Variants in SPOCK1 observed in about 807,000 individuals in gnomAD.
SPOCK1 encodes SPARC (osteonectin), cwcv and kazal like domains proteoglycan 1, also known as testican-1.
Under a neutral mutation model 55.3 loss-of-function variants are expected in SPOCK1, and 23 were observed. The observed-to-expected ratio is 0.42, with a 90% confidence interval of 0.30 to 0.59. The LOEUF is 0.59. SPOCK1 is among the 20% of genes least tolerant of loss of function. The probability of loss-of-function intolerance (pLI) is 0.22; values close to 1 mark genes in which losing one functional copy is unlikely to be tolerated. For synonymous variants in SPOCK1, 226 were observed against 221.0 expected, an observed-to-expected ratio of 1.02 and a Z score of -0.20; for missense variants, 499 against 552.5, an observed-to-expected ratio of 0.90 and a Z score of 0.97.
At chr5:137,301,244 C>A (rs927599653) in intron 2 of SPOCK1, among the ~76,000 whole-genome samples, 1 of 152,222 alleles carries the variant, frequency 6.6e-6, no homozygotes, top group Non-Finnish European at 1.5e-5. Context: ...CCTGCAGGAT[C>A]TTCTCCTCCA....
chr5:137,493,694 T>C (rs770807281), intron 2 of SPOCK1, among the ~76,000 whole-genome samples: 1 of 152,232 alleles, frequency 6.6e-6, no homozygotes, highest in African/African-American at 2.4e-5. Context: ...CACAAACTCA[T>C]TTAAGTCTCC....
At position 137,109,498 on chromosome 5, in the gene SPOCK1, C is replaced by G. The variant is rs532000812; in HGVS notation, c.474+2937G>C. On this transcript the variant is annotated intron_variant, in intron 5 of 10. Coordinates refer to ENST00000394945, the MANE Select transcript of SPOCK1 (RefSeq NM_004598.4). ...CAGCCACTATCTACTACACCCCATG[C>G]CTGAGCAGCCACTATAAACGGTCTC... 1.4e-4 allele frequency among the ~76,000 whole-genome samples: 22 copies of G among 152,258 alleles called. 1 individual carries two copies. The highest frequency in any genetic ancestry group is 1.4e-3 in the Admixed American group (21 of 15,298).
chr5:137,116,258 T>A (rs866007574), intron 4 of SPOCK1, among the ~76,000 whole-genome samples: 29 of 152,318 alleles, frequency 1.9e-4, no homozygotes, highest in African/African-American at 5.3e-4. Flanking sequence ...CATCTTTTTT[T>A]AAAAAGTATA....
chr5:137,304,716 A>G (rs752589714), intron 2 of SPOCK1, among the ~76,000 whole-genome samples: 10 of 152,158 alleles, frequency 6.6e-5, no homozygotes, highest in Admixed American at 1.3e-4. Context: ...TGGCCCATGT[A>G]CCATGTGAAT....
At position 137,075,738 on chromosome 5, in the gene SPOCK1, G is replaced by A. The variant is rs377284290; in HGVS notation, c.475-7909C>T. Among the ~76,000 whole-genome samples the A allele has an allele frequency of 7.2e-5, 11 of 152,176 alleles. No individual in the cohort carries two copies. The East Asian group carries it at 7.8e-4, about 11-fold the overall frequency. Reference sequence around the variant, plus strand: ...CCAGGCAATGCAACCAAGAGTGGCCGGCACCGTGGAGAGGAGTGCAGCCCT... The same window carrying A: ...CCAGGCAATGCAACCAAGAGTGGCCAGCACCGTGGAGAGGAGTGCAGCCCT... On this transcript the variant is annotated intron_variant, in intron 5 of 10. Coordinates refer to ENST00000394945, the MANE Select transcript of SPOCK1 (RefSeq NM_004598.4).
intron 2 of SPOCK1, among the ~76,000 whole-genome samples, chr5:137,468,850 C>T (rs2149839101): frequency 6.6e-6 from 1 of 152,090 alleles, no homozygotes; most frequent in East Asian, 1.9e-4. Flanking sequence ...TGAGATAAAA[C>T]TGAGAAAGAA....
intron 2 of SPOCK1, among the ~76,000 whole-genome samples, chr5:137,415,610 C>T (rs773666219): frequency 2.2e-4 from 33 of 152,154 alleles, no homozygotes; most frequent in Non-Finnish European, 2.4e-4. Context: ...ATTCCAGAAG[C>T]GTGATTCCAA....
At chr5:137,399,363 TTTGTTGTTGTTGTTGTTGTTG>T (rs140515377) in intron 2 of SPOCK1, among the ~76,000 whole-genome samples, 1 of 150,826 alleles carries the variant, frequency 6.6e-6, no homozygotes, top group African/African-American at 2.4e-5. Flanking sequence ...CTCTTTATTG[TTTGTTGTTGTTGTTGTTGTTG>T]TTGTTGTTGT....
At chr5:137,000,400 G>T (rs1751126650) in intron 6 of SPOCK1, among the ~76,000 whole-genome samples, 1 of 152,174 alleles carries the variant, frequency 6.6e-6, no homozygotes, top group Non-Finnish European at 1.5e-5. Context: ...GAACTGCCTT[G>T]CCTGGGTTGG....
intron 4 of SPOCK1, among the ~76,000 whole-genome samples, chr5:137,122,925 C>A (rs185952022): frequency 2.0e-5 from 3 of 152,348 alleles, no homozygotes; most frequent in Admixed American, 6.5e-5. Flanking sequence ...GCAAAGCCCC[C>A]TGTTCTGGGA....
At chr5:137,128,271 A>G (rs1753813381) in intron 4 of SPOCK1, among the ~76,000 whole-genome samples, 3 of 152,202 alleles carry the variant, frequency 2.0e-5, no homozygotes, top group Non-Finnish European at 4.4e-5. Context: ...GTAAGAAATA[A>G]ATTTGTTTAT....
At chr5:137,321,197 GA>G (rs754227950) in intron 2 of SPOCK1, among the ~76,000 whole-genome samples, 1,180 of 83,086 alleles carry the variant, frequency 0.014, 13 homozygotes, top group African/African-American at 0.04. Context: ...ACACCAACCA[GA>G]AAAAAAAAAA....
chr5:137,170,575 T>C (rs1754737105), intron 3 of SPOCK1, among the ~76,000 whole-genome samples: 1 of 144,566 alleles, frequency 6.9e-6, no homozygotes, highest in Non-Finnish European at 1.5e-5. Flanking sequence ...GAGACACGAA[T>C]GAGCCTGTTA....
intron 3 of SPOCK1, among the ~76,000 whole-genome samples, chr5:137,209,158 T>A (rs934678254): frequency 3.3e-5 from 5 of 152,208 alleles, no homozygotes; most frequent in Admixed American, 1.3e-4. Context: ...TTTTAAAAAA[T>A]TTCTGTATGT....
intron 3 of SPOCK1, among the ~76,000 whole-genome samples, chr5:137,177,980 T>C (rs1247821612): frequency 6.6e-6 from 1 of 152,152 alleles, no homozygotes; most frequent in East Asian, 1.9e-4. Flanking sequence ...AAGGACCACA[T>C]GTTGAGAGGA....
At chr5:137,007,568 G>A (rs1751274150) in intron 6 of SPOCK1, among the ~76,000 whole-genome samples, 1 of 152,180 alleles carries the variant, frequency 6.6e-6, no homozygotes, top group Non-Finnish European at 1.5e-5. Flanking sequence ...TTAGAGAAAT[G>A]CAAATCAAAA....
intron 4 of SPOCK1, among the ~76,000 whole-genome samples, chr5:137,136,795 T>C (rs1010117415): frequency 6.6e-6 from 1 of 152,196 alleles, no homozygotes; most frequent in African/African-American, 2.4e-5. Flanking sequence ...ACTTGAAAGA[T>C]GAACATACTA....
chr5:137,243,144 G>C (rs914439723), intron 3 of SPOCK1, among the ~76,000 whole-genome samples: 3 of 152,180 alleles, frequency 2.0e-5, no homozygotes, highest in Non-Finnish European at 4.4e-5. Context: ...ACGTGTCCTG[G>C]GAAGTGCCTT....
rs1752888508 is a variant in SPOCK1, at chr5:137,437,374, G to A, written c.186+60999C>T. Among the ~76,000 whole-genome samples the A allele has an allele frequency of 2.0e-5, 3 of 152,180 alleles. No individual in the cohort carries two copies. In the South Asian group the frequency reaches 6.2e-4, roughly 32 times the overall value. On this transcript the variant is annotated intron_variant, in intron 2 of 10. Coordinates refer to ENST00000394945, the MANE Select transcript of SPOCK1 (RefSeq NM_004598.4). ...AGCCCTGATGGATATTATAAAGCAGGTTTGCAATAAAAGAGATTAAGTTTT... is the reference window on the plus strand; with the variant it reads ...AGCCCTGATGGATATTATAAAGCAGATTTGCAATAAAAGAGATTAAGTTTT...
Sources: allele counts gnomAD v4.1 joint callset (sites outside exome capture counted in the v4.1 genomes callset), GRCh38; gene constraint gnomAD v4.1.1; transcripts MANE v1.5; gene names NCBI Gene and HGNC (gene_info 2026-07-23, HGNC 2026-07-21).